Variants in USP46 observed in about 807,000 individuals in gnomAD.
USP46 encodes ubiquitin specific peptidase 46, also known as ubiquitin carboxyl-terminal hydrolase 46.
Under a neutral mutation model 44.4 loss-of-function variants are expected in USP46, and 12 were observed. The observed-to-expected ratio is 0.27, with a 90% CI of 0.17 to 0.44. The LOEUF is 0.44. Ranked by LOEUF, USP46 falls within the 20% of genes least tolerant of loss-of-function variation. The probability of loss-of-function intolerance (pLI) is 1.00; values close to 1 mark genes in which losing one functional copy is unlikely to be tolerated. For synonymous variants in USP46, 155 were observed against 161.5 expected (o/e 0.96, Z 0.31); for missense variants, 248 against 444.8 (o/e 0.56, Z 3.98).
intron 2 of USP46, chr4:52,629,790 A>C: frequency 2.2e-6 from 1 of 453,418 alleles, no homozygotes; most frequent in African/African-American, 2.0e-5. Flanking sequence ...TTATCACCCA[A>C]AGGGTAGAAG....
chr4:52,622,133 G>C (rs1211128502), intron 4 of USP46, among the ~76,000 whole-genome samples: 1 of 152,168 alleles, frequency 6.6e-6, no homozygotes, highest in Non-Finnish European at 1.5e-5. Flanking sequence ...ACACAAAATG[G>C]AAGACAGTGA....
rs1716293624 is a variant in USP46, at chr4:52,597,562, G to A, written c.*78C>T. On this transcript the variant is annotated 3_prime_UTR_variant, in exon 9 of 9. Coordinates refer to ENST00000441222, the MANE Select transcript of USP46 (RefSeq NM_022832.4). ...ATACCATTAGTGGGCCACTGGGGAA[G>A]AGGAAAGCCTGCGGAGAAGCCGGGT... 2 of 968,812 alleles carry A rather than the reference G, an allele frequency of 2.1e-6. No homozygotes were observed. The highest frequency in any genetic ancestry group is 3.2e-6 in the Non-Finnish European group (2 of 631,466). The allele number at this position is 968,812 out of a possible 1,614,324, so 60.0% of individuals were successfully genotyped here.
intron 1 of USP46, among the ~76,000 whole-genome samples, chr4:52,652,399 AAACTGTC>A (rs561623749): frequency 7.7e-4 from 118 of 152,328 alleles, no homozygotes; most frequent in Middle Eastern, 3.4e-3. Flanking sequence ...CACCACAGAG[AAACTGTC>A]AACTGTCAAC....
chr4:52,642,193 G>A (rs576715667), intron 1 of USP46, among the ~76,000 whole-genome samples: 10 of 152,304 alleles, frequency 6.6e-5, no homozygotes, highest in Non-Finnish European at 1.0e-4. Context: ...TATGGCTACC[G>A]ATGCCTCTGA....
intron 4 of USP46, among the ~76,000 whole-genome samples, chr4:52,621,011 C>A (rs1376825046): frequency 6.6e-6 from 1 of 152,144 alleles, no homozygotes; most frequent in Non-Finnish European, 1.5e-5. Flanking sequence ...AAAGGCAAAA[C>A]ACAAAGGATA....
chr4:52,613,090 T>TG (rs1399319714), intron 4 of USP46, among the ~76,000 whole-genome samples: 1 of 152,098 alleles, frequency 6.6e-6, no homozygotes, highest in East Asian at 1.9e-4. Flanking sequence ...AGTCCACACT[T>TG]GGAGGAGGAG....
intron 1 of USP46, among the ~76,000 whole-genome samples, chr4:52,650,378 G>C (rs1718710431): frequency 6.6e-6 from 1 of 152,188 alleles, no homozygotes; most frequent in Non-Finnish European, 1.5e-5. Flanking sequence ...CACAAACGTT[G>C]CAATCCATTG....
chr4:52,610,026 C>T (rs1055403495), intron 5 of USP46, among the ~76,000 whole-genome samples: 5 of 141,944 alleles, frequency 3.5e-5, no homozygotes, highest in Non-Finnish European at 6.1e-5. Flanking sequence ...CCCGGGTTCA[C>T]GCCATTCTCC....
chr4:52,640,173 A>G (rs1293234634), intron 1 of USP46, among the ~76,000 whole-genome samples: 1 of 152,204 alleles, frequency 6.6e-6, no homozygotes, highest in Non-Finnish European at 1.5e-5. Context: ...AGGTACTGCT[A>G]TGAAAATTTG....
chr4:52,641,582 G>A (rs546148578), intron 1 of USP46, among the ~76,000 whole-genome samples: 1 of 152,300 alleles, frequency 6.6e-6, no homozygotes, highest in East Asian at 1.9e-4. Flanking sequence ...TGCCCAGAAG[G>A]AGGAAATAAT....
chr4:52,592,353 C>T lies in USP46; in HGVS notation c.*5287G>A, dbSNP rs1412136965. On this transcript the variant is annotated 3_prime_UTR_variant, in exon 9 of 9. Coordinates refer to ENST00000441222, the MANE Select transcript of USP46 (RefSeq NM_022832.4). The stretch of plus-strand genomic sequence containing the variant: ...CATGGGCTATCTTTAGTACTAACCC[C>T]ACAACCAAAATTTTCCTTCAGTAAA... The T allele has an allele frequency of 6.6e-6, 1 of 152,140 alleles. No homozygotes were observed. The allele number at this position is 152,140 out of a possible 1,614,324, so 9.4% of individuals were successfully genotyped here. A position where few individuals can be genotyped will look rare whatever the true frequency, so the allele number is the denominator to read the frequency against.
At chr4:52,626,513 A>G (rs1717591622) in intron 3 of USP46, among the ~76,000 whole-genome samples, 1 of 151,938 alleles carries the variant, frequency 6.6e-6, no homozygotes, top group Non-Finnish European at 1.5e-5. Flanking sequence ...TTTAGTAGAG[A>G]CCAGGTTCAC....
Position 52,591,179 on chromosome 4 carries a change from T to C in USP46, c.*6461A>G, listed in dbSNP as rs1715994291. 6.6e-6 allele frequency: 1 copy of C among 152,204 alleles called. No individual in the cohort carries two copies. The highest frequency in any genetic ancestry group is 2.4e-5 in the African/African-American group (1 of 41,442). The allele number at this position is 152,204 out of a possible 1,614,324, so 9.4% of individuals were successfully genotyped here. ...ATTCTTAAAGTTTTCTCACGTTTAT[T>C]TTCCATTTTCTTAGCACAGAATGTT... is the stretch of plus-strand genomic sequence containing the variant. On this transcript the variant is annotated 3_prime_UTR_variant, in exon 9 of 9. Transcript: ENST00000441222.
At chr4:52,600,375 G>A (rs565511333) in intron 7 of USP46, among the ~76,000 whole-genome samples, 198 of 152,230 alleles carry the variant, frequency 1.3e-3, no homozygotes, top group African/African-American at 4.6e-3. Flanking sequence ...AGTGCTACCT[G>A]GAAGCCACCC....
rs1716086773 is a variant in USP46, at chr4:52,593,028, G to C, written c.*4612C>G. The C allele has an allele frequency of 2.5e-5, 10 of 398,034 alleles. No individual in the cohort carries two copies. In the East Asian group the frequency reaches 3.6e-4, roughly 14 times the overall value. 24.7% of individuals were successfully genotyped at this position (398,034 alleles called of 1,614,324 possible). A position where few individuals can be genotyped will look rare whatever the true frequency, so the allele number is the denominator to read the frequency against. On this transcript the variant is annotated 3_prime_UTR_variant, in exon 9 of 9. Coordinates refer to ENST00000441222, the MANE Select transcript of USP46 (RefSeq NM_022832.4). ...AATTAAACCTCTTTTCTTCAGAAAT[G>C]ACCCACGCTCAGGTATGTCTTTATA...
chr4:52,656,544 T>C, intron 1 of USP46: 1 of 1,407,026 alleles, frequency 7.1e-7, no homozygotes, highest in Non-Finnish European at 9.2e-7. Context: ...AGGTCTGAAA[T>C]GGCATGATCT....
chr4:52,639,621 C>T (rs1209202361), intron 1 of USP46, among the ~76,000 whole-genome samples: 3 of 152,170 alleles, frequency 2.0e-5, no homozygotes, highest in South Asian at 2.1e-4. Flanking sequence ...TATGGCCACA[C>T]CTAGCTGCAA....
chr4:52,614,617 G>C (rs1242375353), intron 4 of USP46, among the ~76,000 whole-genome samples: 1 of 152,170 alleles, frequency 6.6e-6, no homozygotes, highest in African/African-American at 2.4e-5. Context: ...TAAGAGACCT[G>C]CATCACAAGA....
intron 2 of USP46, 120 bp from the exon 3 acceptor site, chr4:52,628,283 AGTC>A: frequency 1.1e-6 from 1 of 883,764 alleles, no homozygotes; most frequent in African/African-American, 1.7e-5. Flanking sequence ...CCTGTATTGG[AGTC>A]CAGCTCACCA....
Sources: allele counts gnomAD v4.1 joint callset (sites outside exome capture counted in the v4.1 genomes callset), GRCh38; gene constraint gnomAD v4.1.1; transcripts MANE v1.5; gene names NCBI Gene and HGNC (gene_info 2026-07-23, HGNC 2026-07-21).